The following KIF16B variants were observed in gnomAD, a reference collection of about 807,000 sequenced individuals.
KIF16B encodes kinesin-like protein KIF16B.
Under a neutral mutation model 156.3 loss-of-function variants are expected in KIF16B, and 98 were observed. The ratio of observed to expected loss-of-function variants is 0.63; its 90% CI spans 0.53 to 0.74. The LOEUF is 0.74. Ranked by LOEUF, KIF16B falls within the 30% of genes least tolerant of loss-of-function variation. The pLI is 0.00. For synonymous variants in KIF16B, 564 were observed against 583.7 expected, an observed-to-expected ratio of 0.97 and a Z score of 0.49; for missense variants, 1,421 against 1,606.5, an observed-to-expected ratio of 0.88 and a Z score of 1.97.
At chr20:16,415,910 A>C (rs1189205985) in intron 15 of KIF16B, among the ~76,000 whole-genome samples, 1 of 152,146 alleles carries the variant, frequency 6.6e-6, no homozygotes, top group African/African-American at 2.4e-5. Flanking sequence ...TGCATGTAGT[A>C]GTTATTTGAG....
intron 12 of KIF16B, among the ~76,000 whole-genome samples, chr20:16,482,817 A>T (rs545382575): frequency 1.3e-5 from 2 of 152,294 alleles, no homozygotes; most frequent in African/African-American, 4.8e-5. Flanking sequence ...TTCTATATTT[A>T]TGGTAGGAAA....
intron 24 of KIF16B, among the ~76,000 whole-genome samples, chr20:16,326,985 ATG>A (rs1384294781): frequency 1.5e-4 from 23 of 151,006 alleles, no homozygotes; most frequent in African/African-American, 5.6e-4. Flanking sequence ...TAACATATAT[ATG>A]TGTGTATGTG....
At chr20:16,422,620 T>C (rs1171392914) in intron 15 of KIF16B, among the ~76,000 whole-genome samples, 1 of 152,138 alleles carries the variant, frequency 6.6e-6, no homozygotes, top group Non-Finnish European at 1.5e-5. Context: ...GAACTACTTA[T>C]ACTAAATAAT....
intron 12 of KIF16B, among the ~76,000 whole-genome samples, chr20:16,442,911 A>C (rs1053201250): frequency 7.9e-5 from 12 of 152,202 alleles, no homozygotes; most frequent in African/African-American, 2.9e-4. Context: ...TCCCTTCTGA[A>C]AGACGTACAC....
At chr20:16,514,579 T>TAAAAAAAAA (rs1367916198) in intron 4 of KIF16B, among the ~76,000 whole-genome samples, 2 of 22,406 alleles carry the variant, frequency 8.9e-5, no homozygotes, top group Admixed American at 4.4e-4. Flanking sequence ...CACTAAGAAA[T>TAAAAAAAAA]AAGAAAAAAA....
At chr20:16,447,017 C>T (rs985415137) in intron 12 of KIF16B, among the ~76,000 whole-genome samples, 3 of 152,160 alleles carry the variant, frequency 2.0e-5, no homozygotes, top group Non-Finnish European at 4.4e-5. Flanking sequence ...GAGCACAGGG[C>T]AGGCACTCAA....
chr20:16,347,764 C>T (rs191337526), intron 23 of KIF16B, among the ~76,000 whole-genome samples: 18 of 152,310 alleles, frequency 1.2e-4, no homozygotes, highest in African/African-American at 4.3e-4. Flanking sequence ...ATAAGCAACA[C>T]TCCATTTGTC....
At chr20:16,328,233 T>C (rs913450966) in intron 24 of KIF16B, among the ~76,000 whole-genome samples, 1 of 152,182 alleles carries the variant, frequency 6.6e-6, no homozygotes, top group Non-Finnish European at 1.5e-5. Context: ...CACAGCAATT[T>C]TCCATTTTTA....
intron 22 of KIF16B, among the ~76,000 whole-genome samples, chr20:16,356,838 C>T (rs1034480470): frequency 6.6e-6 from 1 of 152,218 alleles, no homozygotes; most frequent in African/African-American, 2.4e-5. Context: ...TTTTTCTTCA[C>T]ACACTATCAG....
At chr20:16,311,390 A>C (rs2063617821) in intron 25 of KIF16B, among the ~76,000 whole-genome samples, 1 of 152,214 alleles carries the variant, frequency 6.6e-6, no homozygotes, top group Non-Finnish European at 1.5e-5. Context: ...TCAAAGGCTG[A>C]GGCAGCAGAA....
At chr20:16,559,286 C>T (rs6044116) in intron 1 of KIF16B, among the ~76,000 whole-genome samples, 2 of 152,208 alleles carry the variant, frequency 1.3e-5, no homozygotes, top group South Asian at 2.1e-4. Flanking sequence ...CCCAAATTGC[C>T]TATCCATAGT....
chr20:16,331,682 A>AT (rs1373758953), intron 24 of KIF16B, among the ~76,000 whole-genome samples: 1 of 152,226 alleles, frequency 6.6e-6, no homozygotes, highest in Non-Finnish European at 1.5e-5. Context: ...AGTAAATAAA[A>AT]TATGTTCCCA....
chr20:16,542,648 A>G (rs899630139), intron 1 of KIF16B, among the ~76,000 whole-genome samples: 2 of 152,204 alleles, frequency 1.3e-5, no homozygotes, highest in African/African-American at 4.8e-5. Flanking sequence ...GGCAAGAACC[A>G]GCCAGAGACT....
intron 4 of KIF16B, among the ~76,000 whole-genome samples, chr20:16,513,637 G>A (rs2069032967): frequency 7.2e-6 from 1 of 138,696 alleles, no homozygotes; most frequent in Non-Finnish European, 1.5e-5. Context: ...TCCAGCCTAG[G>A]CAACAAGAGC....
At chr20:16,548,537 G>A (rs962404671) in intron 1 of KIF16B, among the ~76,000 whole-genome samples, 2 of 152,214 alleles carry the variant, frequency 1.3e-5, no homozygotes, top group African/African-American at 4.8e-5. Context: ...TCATAGGAGA[G>A]CAAACCCTAT....
chr20:16,412,984 G>A (rs2146324204), intron 15 of KIF16B, among the ~76,000 whole-genome samples: 1 of 151,936 alleles, frequency 6.6e-6, no homozygotes, highest in East Asian at 1.9e-4. Flanking sequence ...GTGTGGTTAA[G>A]GACAAGTCAG....
At chr20:16,430,169 A>G (rs2066460988) in intron 12 of KIF16B, among the ~76,000 whole-genome samples, 187 bp from the exon 13 acceptor site, 1 of 152,190 alleles carries the variant, frequency 6.6e-6, no homozygotes. Context: ...TGGAACTTAT[A>G]AAAAGCGAAA....
intron 10 of KIF16B, among the ~76,000 whole-genome samples, chr20:16,498,175 C>T (rs938081674): frequency 9.2e-5 from 14 of 152,086 alleles, no homozygotes; most frequent in Middle Eastern, 3.4e-3. Context: ...TTATCCCTGT[C>T]GAAGAAGTGT....
chr20:16,345,166 C>T (rs538335149), intron 23 of KIF16B, among the ~76,000 whole-genome samples: 1 of 152,208 alleles, frequency 6.6e-6, no homozygotes, highest in Non-Finnish European at 1.5e-5. Flanking sequence ...TCCGATTATG[C>T]CTCCATGAGC....
Sources: gnomAD v4.1 joint callset for allele counts (sites outside exome capture counted in the v4.1 genomes callset) on GRCh38, gnomAD v4.1.1 for gene constraint, MANE v1.5 for transcripts, NCBI Gene and HGNC (gene_info 2026-07-23, HGNC 2026-07-21) for gene names.